PSPC1: variants seen among roughly 807,000 people sequenced by gnomAD.
PSPC1 encodes paraspeckle protein 1.
In PSPC1, 14 loss-of-function variants were observed where a neutral mutation model predicts 51.6. The ratio of observed to expected loss-of-function variants is 0.27; its 90% CI spans 0.18 to 0.42. PSPC1 has a LOEUF of 0.42. Ranked by LOEUF, PSPC1 falls within the 10% of genes least tolerant of loss-of-function variation. The pLI is 1.00. For missense variants in PSPC1, 406 were observed against 701.1 expected (o/e 0.58, Z 4.75); for synonymous variants, 193 against 231.9 (o/e 0.83, Z 1.53).
At chr13:19,765,439 C>A (rs1887979944) in intron 2 of PSPC1, among the ~76,000 whole-genome samples, 1 of 148,056 alleles carries the variant, frequency 6.8e-6, no homozygotes, top group Admixed American at 6.8e-5. Context: ...ATAATGATAT[C>A]TTAGATTTAC....
intron 4 of PSPC1, among the ~76,000 whole-genome samples, chr13:19,744,956 C>G (rs1415243372): frequency 6.6e-6 from 1 of 152,224 alleles, no homozygotes; most frequent in African/African-American, 2.4e-5. Context: ...AAGGCATCAT[C>G]TACCGTATTA....
At chr13:19,740,297 C>T (rs1361603880) in intron 5 of PSPC1, among the ~76,000 whole-genome samples, 3 of 151,494 alleles carry the variant, frequency 2.0e-5, no homozygotes, top group Admixed American at 1.3e-4. Context: ...GAGCCGAGAT[C>T]GCGCCATTGC....
chr13:19,751,248 T>C (rs749658549), intron 4 of PSPC1, 23 bp downstream of exon 4: 1 of 1,500,926 alleles, frequency 6.7e-7, no homozygotes, highest in Admixed American at 2.4e-5. Context: ...TCATACCACA[T>C]GTACATGAAA....
intron 6 of PSPC1, among the ~76,000 whole-genome samples, chr13:19,728,189 AATT>A (rs1248894005): frequency 2.0e-5 from 3 of 152,278 alleles, no homozygotes; most frequent in Non-Finnish European, 4.4e-5. Flanking sequence ...TGTTACATGA[AATT>A]ATTATTTAAA....
At chr13:19,703,636 T>C (rs1880240709) in intron 8 of PSPC1, among the ~76,000 whole-genome samples, 1 of 152,230 alleles carries the variant, frequency 6.6e-6, no homozygotes, top group South Asian at 2.1e-4. Context: ...GAAGCAAATG[T>C]AATCTTAAGC....
At position 19,751,276 on chromosome 13, in the gene PSPC1, C is replaced by T. The variant is rs748555505; in HGVS notation, c.962G>A (p.Arg321Lys). The change falls in exon 4 of 9, where the codon AGG (arginine) becomes AAG (lysine). Residue 321 changes from arginine to lysine, a missense_variant. Around this residue, in one of 5 missense-constraint regions of PSPC1, gnomAD observed 180 missense variants for 337.9 expected, o/e 0.53. Transcript: ENST00000338910. ...ACATGAAAATCCATATTTACCTTGC[C>T]TCATTAGCATTAATTGGTGTTCATG... is the stretch of plus-strand genomic sequence containing the variant. ...ARHEHQLMLM[R>K]QDLMRRQEEL... is the part of the protein sequence containing the mutation. The T allele has an allele frequency of 5.9e-6, 9 of 1,529,242 alleles. No individual in the cohort carries two copies. Among genetic ancestry groups the T allele is most frequent in the Non-Finnish European group, 7.9e-6 (9 of 1,143,682 alleles). 94.7% of individuals were successfully genotyped at this position (1,529,242 alleles called of 1,614,324 possible).
At chr13:19,752,101 A>C (rs531491315) in intron 3 of PSPC1, among the ~76,000 whole-genome samples, 1 of 152,286 alleles carries the variant, frequency 6.6e-6, no homozygotes, top group African/African-American at 2.4e-5. Context: ...GAACACATGA[A>C]TATGAATTAA....
In PSPC1 at chr13:19,747,932, G is replaced by A. The variant is rs143296444; in HGVS notation, c.967+3339C>T. ...ATGCTGGATGAAATACAAAATTGTAGGCCGGGTACAGTGGCTTATGCCTGT... is the reference window on the plus strand; with the variant it reads ...ATGCTGGATGAAATACAAAATTGTAAGCCGGGTACAGTGGCTTATGCCTGT... On this transcript the variant is annotated intron_variant, in intron 4 of 8. Coordinates refer to ENST00000338910, the MANE Select transcript of PSPC1 (RefSeq NM_001354909.2). Among the ~76,000 whole-genome samples, 1,286 of 152,264 alleles carry A rather than the reference G, an allele frequency of 8.4e-3. 16 individuals are homozygous for A. Among genetic ancestry groups the A allele is most frequent in the African/African-American group, 0.028 (1,183 of 41,558 alleles).
chr13:19,671,760 AT>A (rs1876140990), downstream of PSPC1: 1 of 1,408,704 alleles, frequency 7.1e-7, no homozygotes, highest in Non-Finnish European at 1.0e-6. Context: ...AATCTTGGCC[AT>A]TTGTGGGTTT....
At chr13:19,726,185 C>T (rs1329096362) in intron 6 of PSPC1, among the ~76,000 whole-genome samples, 2 of 151,860 alleles carry the variant, frequency 1.3e-5, no homozygotes, top group Non-Finnish European at 2.9e-5. Context: ...TAAATTGCAT[C>T]CTATATAAAT....
chr13:19,779,554 G>A (rs1196810398), intron 1 of PSPC1, among the ~76,000 whole-genome samples: 2 of 30,986 alleles, frequency 6.5e-5, no homozygotes, highest in African/African-American at 2.0e-4. Context: ...CCGGAGGGAG[G>A]TGGGGGGGTC....
intron 1 of PSPC1, among the ~76,000 whole-genome samples, chr13:19,778,335 T>G (rs1208256407): frequency 1.3e-5 from 2 of 148,464 alleles, no homozygotes; most frequent in Non-Finnish European, 3.0e-5. Context: ...GTAATTACAA[T>G]TTTCTCTACA....
chr13:19,751,810 C>T (rs1435082654), intron 3 of PSPC1, among the ~76,000 whole-genome samples: 11 of 152,190 alleles, frequency 7.2e-5, no homozygotes, highest in Admixed American at 7.2e-4. Flanking sequence ...GTAATCCCAG[C>T]GCTTCGGGAG....
In PSPC1 at chr13:19,677,061, C is replaced by T. The variant is rs576210251; in HGVS notation, c.*76+663G>A. On this transcript the variant is annotated intron_variant and NMD_transcript_variant, in intron 7 of 7. Transcript: ENST00000471658. ...CATCCTGGCTAACACAGTGAAACCC[C>T]GTCTCTACTAAAAATACAAAAATTA... Among the ~76,000 whole-genome samples the T allele has an allele frequency of 9.2e-5, 14 of 152,024 alleles. No individual in the cohort carries two copies. The East Asian group carries it at 9.7e-4, about 11-fold the overall frequency.
intron 2 of PSPC1, among the ~76,000 whole-genome samples, chr13:19,770,489 G>A (rs1398663012): frequency 1.3e-5 from 2 of 151,508 alleles, no homozygotes; most frequent in Admixed American, 6.6e-5. Context: ...GTGAAACCCC[G>A]TCTCTACAAA....
intron 6 of PSPC1, among the ~76,000 whole-genome samples, chr13:19,689,889 T>C (rs959024445): frequency 6.6e-5 from 10 of 152,126 alleles, no homozygotes; most frequent in African/African-American, 2.2e-4. Flanking sequence ...TAAATTCCTA[T>C]AACCCATCCA....
rs763830985 is a variant in PSPC1 at position 19,772,475 on chromosome 13, T to C, written c.441A>G (p.Leu147=). ...CTCCATGTGTAGCGAAGCGAATCCGTAGAGGTCTGCTCTTGAGAATGGTGC... is the reference window on the plus strand; with the variant it reads ...CTCCATGTGTAGCGAAGCGAATCCGCAGAGGTCTGCTCTTGAGAATGGTGC... The part of the protein sequence containing the change: ...LDGTILKSRP[L]RIRFATHGAA... Residue 147 remains leucine, a synonymous_variant, in exon 2 of 9, where the codon CTA becomes CTG. Coordinates refer to ENST00000338910, the MANE Select transcript of PSPC1 (RefSeq NM_001354909.2). The C allele has an allele frequency of 3.3e-5, 53 of 1,614,104 alleles. No individual in the cohort carries two copies. The highest frequency in any genetic ancestry group is 1.3e-4 in the South Asian group (12 of 91,092).
At chr13:19,776,375 A>G (rs1889124096) in intron 1 of PSPC1, among the ~76,000 whole-genome samples, 1 of 152,066 alleles carries the variant, frequency 6.6e-6, no homozygotes, top group Non-Finnish European at 1.5e-5. Flanking sequence ...CTGAGGTGTG[A>G]GGATCACTTC....
intron 7 of PSPC1, among the ~76,000 whole-genome samples, chr13:19,707,396 ATAATGTAGGTTTCGT>A (rs1196383082): frequency 2.0e-5 from 3 of 152,232 alleles, no homozygotes; most frequent in African/African-American, 7.2e-5. Flanking sequence ...AGGTAGCATT[ATAATGTAGGTTTCGT>A]TTGGTTATAC....
Sources: allele counts gnomAD v4.1 joint callset (sites outside exome capture counted in the v4.1 genomes callset), GRCh38; gene constraint gnomAD v4.1.1; regional missense constraint gnomAD v4.1.1; transcripts MANE v1.5; gene names NCBI Gene and HGNC (gene_info 2026-07-23, HGNC 2026-07-21).